BRCA1: variants seen among roughly 807,000 people sequenced by gnomAD.
BRCA1 encodes breast cancer type 1 susceptibility protein.
In BRCA1, 140 loss-of-function variants were observed where a neutral mutation model predicts 173.7. The observed-to-expected ratio is 0.81, with a 90% CI of 0.70 to 0.93. BRCA1 has a LOEUF of 0.93. BRCA1 is among the 40% of genes least tolerant of loss of function. BRCA1 has a pLI of 0.00. For missense variants in BRCA1, 1,983 were observed against 2,172.5 expected (o/e 0.91, Z 1.73); for synonymous variants, 662 against 756.0 (o/e 0.88, Z 2.04).
At chr17:43,048,994 C>T (rs912998706) in intron 21 of BRCA1, 127 bp downstream of exon 21, 15 of 859,962 alleles carry the variant, frequency 1.7e-5, no homozygotes, top group Non-Finnish European at 2.3e-5. Context: ...TCTTTTGGCA[C>T]AGGTATGTGG....
rs763639161 is a variant in BRCA1 at position 43,092,740 on chromosome 17, C to T, written c.2791G>A (p.Val931Met). The T allele has an allele frequency of 6.2e-7, 1 of 1,614,126 alleles. No homozygotes were observed. Among genetic ancestry groups the T allele is most frequent in the African/African-American group, 1.3e-5 (1 of 75,056 alleles). The change falls in exon 10 of 23, where the codon GTG becomes ATG. Residue 931 changes from valine (V) to methionine (M), a missense_variant. Val to Met is a conservative substitution (Grantham distance 21). Transcript: ENST00000357654. ...QTVNITAGFP[V>M]VGQKDKPVDN... is the part of the protein sequence containing the mutation. The stretch of plus-strand genomic sequence containing the variant: ...ACTGGCTTATCTTTCTGACCAACCA[C>T]AGGAAAGCCTGCAGTGATATTAACT...
chr17:43,093,571 T>A lies in BRCA1; in HGVS notation c.1960A>T (p.Lys654Ter), dbSNP rs80357355. ...CSSSEEIKKK[K>*]YNQMPVRHSR... ...TGCCTGACTGGCATTTGGTTGTACT[T>A]TTTTTTCTTTATCTCTTCACTGCTA... The change falls in exon 10 of 23, where the codon AAG becomes TAG. Residue 654 changes from lysine to a stop codon, truncating the protein, a stop_gained. Transcript: ENST00000357654. LOFTEE classifies it high-confidence loss of function. 6.2e-7 allele frequency: 1 copy of A among 1,613,946 alleles called. No homozygotes were observed. Among genetic ancestry groups the A allele is most frequent in the Non-Finnish European group, 8.5e-7 (1 of 1,180,000 alleles).
intron 15 of BRCA1, 115 bp from the exon 16 acceptor site, chr17:43,067,810 A>C (rs2153726521): frequency 7.3e-6 from 5 of 689,654 alleles, no homozygotes; most frequent in Non-Finnish European, 7.4e-6. Context: ...CACGTTCTAC[A>C]CGTGTCCTGG....
chr17:43,064,080 C>G, intron 16 of BRCA1, 129 bp from the exon 17 acceptor site: 4 of 778,050 alleles, frequency 5.1e-6, no homozygotes, highest in Non-Finnish European at 8.9e-6. Context: ...TCTAAAACCC[C>G]TGGTGACAGA....
intron 22 of BRCA1, 83 bp downstream of exon 22, chr17:43,047,560 C>T: frequency 7.6e-7 from 1 of 1,318,658 alleles, no homozygotes; most frequent in Non-Finnish European, 1.1e-6. Flanking sequence ...AAGAACTGTG[C>T]TACTCAAGCA....
At chr17:43,147,161 C>T (rs935839769) in intron 1 of BRCA1, among the ~76,000 whole-genome samples, 6 of 152,272 alleles carry the variant, frequency 3.9e-5, no homozygotes, top group East Asian at 1.9e-4. Flanking sequence ...CCACCGCGCC[C>T]GGCTAATTTT....
Position 43,044,762 on chromosome 17 carries a change from A to G in BRCA1, c.*916T>C, listed in dbSNP as rs1055447625. On this transcript the variant is annotated 3_prime_UTR_variant, in exon 23 of 23. Coordinates refer to ENST00000357654, the MANE Select transcript of BRCA1 (RefSeq NM_007294.4). ...AACACATTCTTTAGAAATCTAGCAAATATATCTCAGACTTTTAGAAATCTC... is the reference window on the plus strand; with the variant it reads ...AACACATTCTTTAGAAATCTAGCAAGTATATCTCAGACTTTTAGAAATCTC... 1 of 492,828 alleles carries G rather than the reference A, an allele frequency of 2.0e-6. No individual in the cohort carries two copies. The highest frequency in any genetic ancestry group is 4.0e-6 in the Non-Finnish European group (1 of 252,468). 30.5% of individuals were successfully genotyped at this position (492,828 alleles called of 1,614,324 possible). A position where few individuals can be genotyped will look rare whatever the true frequency, so the allele number is the denominator to read the frequency against.
At chr17:43,149,073 C>A (rs2056142492) in intron 1 of BRCA1, among the ~76,000 whole-genome samples, 1 of 151,870 alleles carries the variant, frequency 6.6e-6, no homozygotes, top group South Asian at 2.1e-4. Context: ...AACACACATC[C>A]CCCCGCCACC....
chr17:43,097,565 C>T (rs1284592699), intron 7 of BRCA1, among the ~76,000 whole-genome samples: 2 of 151,790 alleles, frequency 1.3e-5, no homozygotes, highest in Non-Finnish European at 2.9e-5. Flanking sequence ...CCAGCCTGGC[C>T]AACAAAGTGA....
At position 43,168,834 on chromosome 17, in the gene BRCA1, C is replaced by T. The variant is rs76584039; in HGVS notation, c.-20+1292G>A. Among the ~76,000 whole-genome samples the T allele has an allele frequency of 2.6e-4, 39 of 152,180 alleles. No individual in the cohort carries two copies. The East Asian group carries it at 4.8e-3, about 19-fold the overall frequency. ...AGAAAGCTACAGGGGAGTGACTGAC[C>T]GGGTAAGTGGTGAGCTTTCTCCAAT... On this transcript the variant is annotated intron_variant, in intron 1 of 7. Transcript: ENST00000634433.
intron 1 of BRCA1, among the ~76,000 whole-genome samples, chr17:43,143,465 C>G (rs1451430296): frequency 2.0e-5 from 3 of 152,184 alleles, no homozygotes; most frequent in African/African-American, 7.2e-5. Context: ...AGTCACACTG[C>G]TCCTGGGATG....
At chr17:43,088,075 A>C (rs1438259903) in intron 11 of BRCA1, among the ~76,000 whole-genome samples, 7 of 152,234 alleles carry the variant, frequency 4.6e-5, no homozygotes, top group Non-Finnish European at 2.9e-5. Flanking sequence ...TTAAAGATAA[A>C]GTATATACAA....
chr17:43,120,221 T>C (rs1378494746), intron 2 of BRCA1, among the ~76,000 whole-genome samples: 1 of 152,202 alleles, frequency 6.6e-6, no homozygotes, highest in Non-Finnish European at 1.5e-5. Flanking sequence ...GAACTACCAA[T>C]TGTCAGAAAT....
At chr17:43,056,200 T>A (rs193076298) in intron 19 of BRCA1, among the ~76,000 whole-genome samples, 1 of 150,548 alleles carries the variant, frequency 6.6e-6, no homozygotes, top group East Asian at 2.0e-4. Context: ...TCTTTTGAGA[T>A]CTTCTGTCTG....
intron 7 of BRCA1, among the ~76,000 whole-genome samples, chr17:43,098,587 C>T (rs1428199717): frequency 6.6e-6 from 1 of 150,818 alleles, no homozygotes; most frequent in African/African-American, 2.4e-5. Context: ...AGGCTGGTCT[C>T]GAACTCTGAC....
At chr17:43,081,478 T>C (rs1171420863) in intron 12 of BRCA1, among the ~76,000 whole-genome samples, 1 of 152,100 alleles carries the variant, frequency 6.6e-6, no homozygotes, top group Admixed American at 6.6e-5. Flanking sequence ...AAGTTCCCAG[T>C]TGGACTGTGG....
At chr17:43,072,389 C>CA (rs1221283854) in intron 14 of BRCA1, among the ~76,000 whole-genome samples, 1 of 151,170 alleles carries the variant, frequency 6.6e-6, no homozygotes, top group African/African-American at 2.4e-5. Context: ...AACTCCGTCT[C>CA]AAAAAAGAGT....
chr17:43,160,042 ATT>A (rs1288122295), intron 1 of BRCA1: 19 of 137,618 alleles, frequency 1.4e-4, no homozygotes, highest in Admixed American at 1.5e-4. Context: ...ACCATCCATG[ATT>A]TTTTTTTTTT....
chr17:43,063,383 T>TTA lies in BRCA1; in HGVS notation c.5153-11_5153-10insTA, dbSNP rs2051875170. 1 of 1,609,684 alleles carries TTA rather than the reference T, an allele frequency of 6.2e-7. No individual in the cohort carries two copies. Among genetic ancestry groups the TTA allele is most frequent in the African/African-American group, 1.3e-5 (1 of 74,812 alleles). On this transcript the variant is annotated splice_polypyrimidine_tract_variant and intron_variant, in intron 17 of 22. Coordinates refer to ENST00000357654, the MANE Select transcript of BRCA1 (RefSeq NM_007294.4). ...ATAGACTGGGTCACCCCTAAAGAGA[T>TTA]CATAGAAAAGACAGGTTACATACAG...
Sources: gnomAD v4.1 joint callset for allele counts (sites outside exome capture counted in the v4.1 genomes callset) on GRCh38, gnomAD v4.1.1 for gene constraint, MANE v1.5 for transcripts, NCBI Gene and HGNC (gene_info 2026-07-23, HGNC 2026-07-21) for gene names.